The following FN1 variants were observed in gnomAD, a reference collection of about 807,000 sequenced individuals.
FN1 encodes fibronectin.
Under a neutral mutation model 297.3 loss-of-function variants are expected in FN1, and 106 were observed. The ratio of observed to expected loss-of-function variants is 0.36; its 90% CI spans 0.30 to 0.42. FN1 has a LOEUF of 0.42. Among genes scored for constraint, FN1 ranks in the 10% least tolerant of loss-of-function variants. FN1 has a pLI of 1.00. For missense variants in FN1, 2,690 were observed against 3,124.9 expected, an observed-to-expected ratio of 0.86 and a Z score of 3.32; for synonymous variants, 1,149 against 1,152.6, an observed-to-expected ratio of 1.00 and a Z score of 0.06.
chr2:215,433,574 C>A, intron 2 of FN1, 113 bp from the exon 3 acceptor site: 2 of 1,021,126 alleles, frequency 2.0e-6, no homozygotes, highest in Non-Finnish European at 3.0e-6. Context: ...ACATGGTACA[C>A]CTCAAAGAAT....
Position 215,430,813 on chromosome 2 carries a change from A to T in FN1, c.587T>A (p.Val196Glu), listed in dbSNP as rs758442993. 3.9e-5 allele frequency: 63 copies of T among 1,614,072 alleles called. No homozygotes were observed. The highest frequency in any genetic ancestry group is 5.2e-5 in the Non-Finnish European group (61 of 1,180,016). ...GGGCTTCTCCCACGTTTCTCCGACC[A>T]CATAGGAAGTCCCAGCAGCATGATC... ...CFDHAAGTSYVVGETWEKPYQ... is the reference protein window; with the variant it reads ...CFDHAAGTSYEVGETWEKPYQ... Residue 196 changes from valine to glutamate, a missense_variant, in exon 5 of 46, where the codon GTG becomes GAG. Val to Glu is a moderately radical substitution (Grantham distance 121, BLOSUM62 -2). Transcript: ENST00000354785.
At chr2:215,435,520 G>A in intron 1 of FN1, 135 bp downstream of exon 1, 2 of 1,307,704 alleles carry the variant, frequency 1.5e-6, no homozygotes, top group South Asian at 1.3e-5. Context: ...CCTTTTGTGT[G>A]CACAGCTGGT....
At chr2:215,405,824 T>C (rs2061704335) in intron 19 of FN1, among the ~76,000 whole-genome samples, 2 of 152,114 alleles carry the variant, frequency 1.3e-5, no homozygotes, top group Admixed American at 1.3e-4. Flanking sequence ...GAATAATGCT[T>C]GTAAAAACTG....
chr2:215,386,828 T>A lies in FN1; in HGVS notation c.4473A>T (p.Arg1491Ser), dbSNP rs2059079828. Reference sequence around the variant, plus strand: ...AGTGGGGCACCCGATCTTCTCGAGGTCTCCCACTGAAGTGCTCGGGATGAT... The same window carrying A: ...AGTGGGGCACCCGATCTTCTCGAGGACTCCCACTGAAGTGCTCGGGATGAT... The part of the protein sequence containing the change: ...IRHHPEHFSG[R>S]PREDRVPHSR... The change falls in exon 28 of 46, where the codon AGA becomes AGT. Residue 1491 changes from arginine (R) to serine (S), a missense_variant. By Grantham distance (110) the Arg-to-Ser change is moderately radical. Coordinates refer to ENST00000354785, the MANE Select transcript of FN1 (RefSeq NM_212482.4). 6.2e-7 allele frequency: 1 copy of A among 1,613,788 alleles called. No homozygotes were observed.
intron 23 of FN1, among the ~76,000 whole-genome samples, chr2:215,395,050 T>C (rs758600475): frequency 3.3e-5 from 5 of 152,178 alleles, no homozygotes; most frequent in Non-Finnish European, 7.3e-5. Flanking sequence ...AAAGCTTTCT[T>C]TGTTTCCAAA....
At chr2:215,380,211 C>G (rs2058013588) in intron 33 of FN1, 1 of 153,352 alleles carries the variant, frequency 6.5e-6, no homozygotes, top group Admixed American at 6.5e-5. Context: ...ATAATACAGA[C>G]TGTCACCTCT....
chr2:215,371,000 T>C (rs570882042), intron 40 of FN1, among the ~76,000 whole-genome samples: 2 of 152,212 alleles, frequency 1.3e-5, no homozygotes, highest in Non-Finnish European at 2.9e-5. Context: ...GTGTAGTGGG[T>C]GGCTCATGCT....
chr2:215,408,074 A>C (rs369001829), intron 17 of FN1, 34 bp downstream of exon 17: 17 of 1,542,396 alleles, frequency 1.1e-5, no homozygotes, highest in Admixed American at 1.7e-5. Context: ...ATTAAGATTA[A>C]CATAGCAGCC....
At chr2:215,391,109 C>T (rs1197621332) in intron 26 of FN1, among the ~76,000 whole-genome samples, 4 of 152,126 alleles carry the variant, frequency 2.6e-5, no homozygotes, top group Non-Finnish European at 5.9e-5. Context: ...TCTGAGAAAT[C>T]CTTCTAACAG....
chr2:215,398,789 A>G (rs898532319), intron 21 of FN1, among the ~76,000 whole-genome samples: 2 of 152,202 alleles, frequency 1.3e-5, no homozygotes, highest in Admixed American at 6.5e-5. Flanking sequence ...CTTAACTTCT[A>G]TTAAGAGATT....
chr2:215,381,185 A>G, intron 32 of FN1, 105 bp from the exon 33 acceptor site: 1 of 1,122,720 alleles, frequency 8.9e-7, no homozygotes, highest in Non-Finnish European at 1.3e-6. Context: ...TCTTTGATGA[A>G]GTCCAATTAA....
intron 12 of FN1, among the ~76,000 whole-genome samples, chr2:215,417,921 C>G (rs2063672069): frequency 6.6e-6 from 1 of 152,160 alleles, no homozygotes; most frequent in Non-Finnish European, 1.5e-5. Context: ...TCATTTTCAG[C>G]AAATTGCAAC....
rs758322744 is a variant in FN1 at position 215,378,268 on chromosome 2, GA to G, written c.5623-7del. 5.1e-6 allele frequency: 8 copies of G among 1,571,710 alleles called. No homozygotes were observed. The highest frequency in any genetic ancestry group is 6.1e-6 in the Non-Finnish European group (7 of 1,142,564). ...ACTTCATATTTGGTGGCCACCTAGA[GA>G]AATAAGGGCATGGTGAGCTTTAGCA... On this transcript the variant is annotated splice_region_variant and splice_polypyrimidine_tract_variant and intron_variant, in intron 34 of 45. Coordinates refer to ENST00000354785, the MANE Select transcript of FN1 (RefSeq NM_212482.4).
chr2:215,397,304 C>CT, intron 22 of FN1, 81 bp from the exon 23 acceptor site: 2 of 989,476 alleles, frequency 2.0e-6, no homozygotes, highest in Non-Finnish European at 3.3e-6. Flanking sequence ...CCCTACCTCC[C>CT]TCTCTTCCAT....
chr2:215,388,402 A>C, intron 26 of FN1, 101 bp from the exon 27 acceptor site: 1 of 840,854 alleles, frequency 1.2e-6, no homozygotes, highest in South Asian at 1.4e-5. Context: ...CCAAATGTCC[A>C]GTCCTATAGC....
rs765612596 is a variant in FN1 at position 215,431,896 on chromosome 2, C to T, written c.484G>A (p.Gly162Ser). The change falls in exon 4 of 46, where the codon GGT (glycine) becomes AGT (serine). Residue 162 changes from glycine to serine, a missense_variant. Coordinates refer to ENST00000354785, the MANE Select transcript of FN1 (RefSeq NM_212482.4). ...DTWRRPHETG[G>S]YMLECVCLGN... ...AGACACACACACTCTAACATGTAAC[C>T]ACCAGTCTCATGTGGTCTCCTCCAG... The T allele has an allele frequency of 1.2e-6, 2 of 1,613,938 alleles. No individual in the cohort carries two copies. Among genetic ancestry groups the T allele is most frequent in the Non-Finnish European group, 1.7e-6 (2 of 1,179,800 alleles).
chr2:215,427,085 C>T (rs1222873930), intron 6 of FN1, among the ~76,000 whole-genome samples: 1 of 152,022 alleles, frequency 6.6e-6, no homozygotes, highest in Admixed American at 6.6e-5. Context: ...CCGTGTTAGC[C>T]AGGATGGTCT....
intron 1 of FN1, 123 bp from the exon 2 acceptor site, chr2:215,434,947 A>G: frequency 4.6e-6 from 5 of 1,087,496 alleles, no homozygotes; most frequent in Non-Finnish European, 6.8e-6. Flanking sequence ...AAAGTTATAT[A>G]CAATGATGTC....
chr2:215,379,658 T>C (rs1300673728), intron 33 of FN1: 1 of 256,062 alleles, frequency 3.9e-6, no homozygotes, highest in African/African-American at 2.3e-5. Flanking sequence ...TACTTTTGTA[T>C]GGAAAAATAA....
Sources: gnomAD v4.1 joint callset for allele counts (sites outside exome capture counted in the v4.1 genomes callset) on GRCh38, gnomAD v4.1.1 for gene constraint, MANE v1.5 for transcripts, NCBI Gene and HGNC (gene_info 2026-07-23, HGNC 2026-07-21) for gene names.